LIN52: variants seen among roughly 807,000 people sequenced by gnomAD.
LIN52 encodes the protein lin-52 DREAM MuvB core complex component.
LIN52 carries 4 observed loss-of-function variants against 18.5 expected under a neutral mutation model. The observed-to-expected ratio is 0.22, with a 90% CI of 0.11 to 0.49. LIN52 has a LOEUF of 0.49. Among genes scored for constraint, LIN52 ranks in the 20% least tolerant of loss-of-function variants. The pLI is 0.97. For synonymous variants in LIN52, 34 were observed against 45.5 expected (o/e 0.75, Z 1.02); for missense variants, 102 against 139.5 (o/e 0.73, Z 1.35).
rs2078934407 is a variant in LIN52 at position 74,199,586 on chromosome 14, T to A, written c.*609T>A. ...TATGATAGTCCCATTTGCTTTTCAT[T>A]CCTTACTTCCCAGCCCCACCTTCTA... On this transcript the variant is annotated 3_prime_UTR_variant, in exon 6 of 6. Transcript: ENST00000555028. 1 of 152,256 alleles carries A rather than the reference T, an allele frequency of 6.6e-6. No homozygotes were observed. The highest frequency in any genetic ancestry group is 2.4e-5 in the African/African-American group (1 of 41,452). The allele number at this position is 152,256 out of a possible 1,614,324, so 9.4% of individuals were successfully genotyped here.
intron 5 of LIN52, among the ~76,000 whole-genome samples, chr14:74,112,590 A>G (rs1417227665): frequency 1.3e-5 from 2 of 152,200 alleles, no homozygotes; most frequent in Admixed American, 1.3e-4. Context: ...ATGCTCTATT[A>G]CATTAAACAG....
At chr14:74,123,516 C>T (rs1000545218) in intron 5 of LIN52, among the ~76,000 whole-genome samples, 2 of 152,030 alleles carry the variant, frequency 1.3e-5, no homozygotes, top group African/African-American at 4.8e-5. Context: ...AAATAAATAC[C>T]TAGGAGACAA....
chr14:74,117,176 C>G (rs1362434816), intron 5 of LIN52, among the ~76,000 whole-genome samples: 1 of 152,170 alleles, frequency 6.6e-6, no homozygotes, highest in Non-Finnish European at 1.5e-5. Context: ...GTTTCCCATA[C>G]ATATCTCATT....
At chr14:74,151,607 T>C (rs746585639) in intron 5 of LIN52, among the ~76,000 whole-genome samples, 10 of 152,364 alleles carry the variant, frequency 6.6e-5, no homozygotes, top group East Asian at 1.9e-4. Flanking sequence ...AATTGTCTTA[T>C]AATAGTAGTG....
chr14:74,135,694 C>A (rs1372765768), intron 5 of LIN52, among the ~76,000 whole-genome samples: 1 of 152,138 alleles, frequency 6.6e-6, no homozygotes, highest in African/African-American at 2.4e-5. Flanking sequence ...AATTCCTTAT[C>A]ACATCTATTG....
chr14:74,090,439 A>C (rs2060766155), intron 1 of LIN52, among the ~76,000 whole-genome samples: 1 of 151,314 alleles, frequency 6.6e-6, no homozygotes, highest in Non-Finnish European at 1.5e-5. Context: ...GGGTTTAAGC[A>C]ATTCTCCTCC....
intron 5 of LIN52, among the ~76,000 whole-genome samples, chr14:74,101,901 T>G (rs1214255816): frequency 6.6e-6 from 1 of 152,142 alleles, no homozygotes; most frequent in Admixed American, 6.5e-5. Context: ...GCCTCTGAAG[T>G]AGCTGGGACT....
intron 5 of LIN52, among the ~76,000 whole-genome samples, chr14:74,162,938 A>G (rs1170097372): frequency 2.0e-5 from 3 of 152,204 alleles, no homozygotes; most frequent in African/African-American, 4.8e-5. Context: ...ACTTCTGTAT[A>G]TTACAGAATA....
At chr14:74,139,515 T>C (rs758949268) in intron 5 of LIN52, among the ~76,000 whole-genome samples, 3 of 152,214 alleles carry the variant, frequency 2.0e-5, no homozygotes, top group Non-Finnish European at 2.9e-5. Flanking sequence ...CAACATCTCC[T>C]GTTAAAGGAT....
chr14:74,148,766 A>G (rs1158305699), intron 5 of LIN52, among the ~76,000 whole-genome samples: 4 of 152,166 alleles, frequency 2.6e-5, no homozygotes, highest in Non-Finnish European at 5.9e-5. Flanking sequence ...TTGATTGTCT[A>G]TTCCTCCACA....
At position 74,097,444 on chromosome 14, in the gene LIN52, G is replaced by A. The variant is rs1379090793; in HGVS notation, c.133-350G>A. Among the ~76,000 whole-genome samples the A allele has an allele frequency of 1.5e-4, 10 of 65,724 alleles. No homozygotes were observed. The East Asian group carries it at 7.4e-3, about 48-fold the overall frequency. The allele number at this position is 65,724 out of a possible 152,430, so 43.1% of individuals were successfully genotyped here. A position where few individuals can be genotyped will look rare whatever the true frequency, so the allele number is the denominator to read the frequency against. ...CTTTTTCTTTTTTTTTTTTTTTTTT[G>A]AGACAGAGTAATACTCTTACCCAGG... On this transcript the variant is annotated intron_variant, in intron 3 of 5. Coordinates refer to ENST00000555028, the MANE Select transcript of LIN52 (RefSeq NM_001024674.3).
chr14:74,195,440 TAA>T (rs1426122863), intron 5 of LIN52, among the ~76,000 whole-genome samples: 8 of 152,222 alleles, frequency 5.3e-5, no homozygotes, highest in Admixed American at 5.2e-4. Context: ...TAGTCATCTC[TAA>T]AGATTTTTCC....
chr14:74,177,218 G>A (rs150926323), intron 5 of LIN52, among the ~76,000 whole-genome samples: 3,575 of 152,126 alleles, frequency 0.024, 38 homozygotes, highest in African/African-American at 0.03. Flanking sequence ...GGCTGGTCTC[G>A]AACTCCTGAC....
At chr14:74,144,095 T>C (rs1316533261) in intron 5 of LIN52, among the ~76,000 whole-genome samples, 1 of 151,664 alleles carries the variant, frequency 6.6e-6, no homozygotes, top group Non-Finnish European at 1.5e-5. Context: ...GTTTCAACCA[T>C]GTTGTCACAC....
intron 5 of LIN52, among the ~76,000 whole-genome samples, chr14:74,182,729 C>T (rs1484729087): frequency 6.6e-6 from 1 of 152,118 alleles, no homozygotes; most frequent in Non-Finnish European, 1.5e-5. Flanking sequence ...GTTAGTCTTG[C>T]TACCTATCTC....
At chr14:74,170,525 A>G (rs1010919672) in intron 5 of LIN52, among the ~76,000 whole-genome samples, 8 of 152,134 alleles carry the variant, frequency 5.3e-5, no homozygotes, top group African/African-American at 1.7e-4. Context: ...AAATGGAAAT[A>G]ATTTTTATTG....
intron 5 of LIN52, among the ~76,000 whole-genome samples, chr14:74,146,632 C>T (rs567931175): frequency 3.3e-4 from 51 of 152,262 alleles, no homozygotes; most frequent in Admixed American, 3.3e-3. Context: ...ACCTTGGTTT[C>T]CTTCTTAAGC....
rs5809649 is a variant in LIN52 at position 74,138,935 on chromosome 14, A to AT, written c.283+37712dup. Among the ~76,000 whole-genome samples, 293 of 146,856 alleles carry AT rather than the reference A, an allele frequency of 2.0e-3. 1 individual carries two copies. The highest frequency in any genetic ancestry group is 4.3e-3 in the Admixed American group (63 of 14,732). ...ATAATTGTGGCTTACACAAGGTAGC[A>AT]TTTTTTTTTTTTTTTCAACAAAAAG... On this transcript the variant is annotated intron_variant, in intron 5 of 5. Coordinates refer to ENST00000555028, the MANE Select transcript of LIN52 (RefSeq NM_001024674.3).
At chr14:74,135,556 T>A (rs540440518) in intron 5 of LIN52, among the ~76,000 whole-genome samples, 1,572 of 151,632 alleles carry the variant, frequency 0.01, 11 homozygotes, top group Middle Eastern at 0.027. Context: ...CATTTTTTTT[T>A]ATCATGGGAG....
Sources: gnomAD v4.1 joint callset for allele counts (sites outside exome capture counted in the v4.1 genomes callset) on GRCh38, gnomAD v4.1.1 for gene constraint, MANE v1.5 for transcripts, NCBI Gene and HGNC (gene_info 2026-07-23, HGNC 2026-07-21) for gene names.